The following ERP44 variants were observed in gnomAD, a reference collection of about 807,000 sequenced individuals.
The protein encoded by ERP44 is endoplasmic reticulum resident protein 44.
Under a neutral mutation model 53.4 loss-of-function variants are expected in ERP44, and 25 were observed. The ratio of observed to expected loss-of-function variants is 0.47; its 90% CI spans 0.34 to 0.65. ERP44 has a LOEUF of 0.65. Ranked by LOEUF, ERP44 falls within the 30% of genes least tolerant of loss-of-function variation. ERP44 has a pLI of 0.01. For missense variants in ERP44, 338 were observed against 493.2 expected, an observed-to-expected ratio of 0.69 and a Z score of 2.98; for synonymous variants, 145 against 161.2, an observed-to-expected ratio of 0.90 and a Z score of 0.76.
In ERP44 at chr9:100,098,780, T is replaced by G; in HGVS notation, c.57+4A>C. On this transcript the variant is annotated splice_donor_region_variant and intron_variant, in intron 1 of 11. Transcript: ENST00000262455. ...GTCGATGGGTCTGTCATTCCCTCAC[T>G]CACCAGGAGCAGAAGGGAGCATCTG... The G allele has an allele frequency of 6.2e-7, 1 of 1,613,136 alleles. No homozygotes were observed.
Position 99,979,222 on chromosome 9 carries a change from A to G in ERP44, c.*3390T>C, listed in dbSNP as rs1336026768. ...CATGTCATTTTATTTTGGTCCAGCCATATCTCCTTGTAGGAGAAAAAAAAC... is the reference window on the plus strand; with the variant it reads ...CATGTCATTTTATTTTGGTCCAGCCGTATCTCCTTGTAGGAGAAAAAAAAC... On this transcript the variant is annotated 3_prime_UTR_variant, in exon 12 of 12. Coordinates refer to ENST00000262455, the MANE Select transcript of ERP44 (RefSeq NM_015051.3). 7.2e-6 allele frequency: 1 copy of G among 139,642 alleles called. No individual in the cohort carries two copies. Among genetic ancestry groups the G allele is most frequent in the African/African-American group, 2.5e-5 (1 of 39,934 alleles). The allele number at this position is 139,642 out of a possible 1,614,324, so 8.7% of individuals were successfully genotyped here.
rs976608866 is a variant in ERP44 at position 100,020,870 on chromosome 9, T to C, written c.472-139A>G. ...TATGACTATAAATGCATATTTAGTT[T>C]TTAACACCTAGTCCAAAACTGTTAA... On this transcript the variant is annotated intron_variant, in intron 5 of 11. Coordinates refer to ENST00000262455, the MANE Select transcript of ERP44 (RefSeq NM_015051.3). 3 of 543,424 alleles carry C rather than the reference T, an allele frequency of 5.5e-6. No individual in the cohort carries two copies. In the African/African-American group the frequency reaches 5.7e-5, roughly 10 times the overall value. 33.7% of individuals were successfully genotyped at this position (543,424 alleles called of 1,614,324 possible).
intron 6 of ERP44, among the ~76,000 whole-genome samples, chr9:100,019,529 T>G (rs1830563193): frequency 6.6e-6 from 1 of 152,134 alleles, no homozygotes; most frequent in Non-Finnish European, 1.5e-5. Context: ...GCTACTACAG[T>G]TAAGCCTAAT....
At chr9:100,064,835 AT>A (rs1247526615) in intron 1 of ERP44, among the ~76,000 whole-genome samples, 1 of 152,242 alleles carries the variant, frequency 6.6e-6, no homozygotes, top group African/African-American at 2.4e-5. Context: ...AAAGAAAAAA[AT>A]ATTTTAATAA....
intron 10 of ERP44, among the ~76,000 whole-genome samples, chr9:100,003,631 C>T (rs1313544377): frequency 6.6e-6 from 1 of 150,920 alleles, no homozygotes; most frequent in Non-Finnish European, 1.5e-5. Flanking sequence ...CAGGAGTGGA[C>T]CTGTTGTCTG....
chr9:100,091,653 A>C (rs1446600750), intron 1 of ERP44, among the ~76,000 whole-genome samples: 2 of 152,250 alleles, frequency 1.3e-5, no homozygotes, highest in African/African-American at 4.8e-5. Flanking sequence ...AAGTTGATCC[A>C]TTTAACTATT....
At chr9:100,047,366 AACAGACAT>A (rs1408355223) in intron 4 of ERP44, among the ~76,000 whole-genome samples, 1 of 152,200 alleles carries the variant, frequency 6.6e-6, no homozygotes, top group Non-Finnish European at 1.5e-5. Context: ...ACTGGCATAA[AACAGACAT>A]ACAGACCATG....
chr9:100,009,549 G>A lies in ERP44; in HGVS notation c.763-1860C>T, dbSNP rs188512357. ...TTTCTTCCTCATCTTTTATCTCTTG[G>A]ACTCACATTTTTTCTTCCCCCATCC... is the stretch of plus-strand genomic sequence containing the variant. On this transcript the variant is annotated intron_variant, in intron 8 of 11. Coordinates refer to ENST00000262455, the MANE Select transcript of ERP44 (RefSeq NM_015051.3). 7.3e-5 allele frequency among the ~76,000 whole-genome samples: 11 copies of A among 151,710 alleles called. No individual in the cohort carries two copies. The East Asian group carries it at 2.1e-3, about 29-fold the overall frequency.
intron 10 of ERP44, among the ~76,000 whole-genome samples, chr9:99,988,552 G>C (rs1244084713): frequency 6.6e-6 from 1 of 152,086 alleles, no homozygotes; most frequent in Non-Finnish European, 1.5e-5. Context: ...ATCTATTACT[G>C]GGATTACCCT....
intron 1 of ERP44, among the ~76,000 whole-genome samples, chr9:100,068,193 CGGGA>C (rs1304957338): frequency 2.7e-5 from 4 of 149,180 alleles, no homozygotes; most frequent in African/African-American, 9.9e-5. Flanking sequence ...CAGCCCCGTC[CGGGA>C]GGGAGGTAGG....
intron 4 of ERP44, among the ~76,000 whole-genome samples, chr9:100,032,491 A>G (rs1825802624): frequency 6.6e-6 from 1 of 152,252 alleles, no homozygotes; most frequent in South Asian, 2.1e-4. Context: ...AAAATCATAC[A>G]AGAAGCATTG....
At chr9:100,081,825 T>G (rs1212721000) in intron 1 of ERP44, among the ~76,000 whole-genome samples, 1 of 152,054 alleles carries the variant, frequency 6.6e-6, no homozygotes, top group Non-Finnish European at 1.5e-5. Flanking sequence ...GACAAAGCAA[T>G]TAGGAAAAAC....
intron 1 of ERP44, among the ~76,000 whole-genome samples, chr9:100,060,554 G>A (rs1826135038): frequency 1.3e-5 from 2 of 152,194 alleles, no homozygotes; most frequent in African/African-American, 4.8e-5. Context: ...TAAGTCTGCT[G>A]ATTCTATCCT....
At chr9:99,992,332 T>G (rs2118608547) in intron 10 of ERP44, among the ~76,000 whole-genome samples, 1 of 152,182 alleles carries the variant, frequency 6.6e-6, no homozygotes, top group East Asian at 1.9e-4. Flanking sequence ...TCAAGTGGGC[T>G]TCATCCCTGG....
At chr9:100,007,725 T>G in intron 8 of ERP44, 36 bp from the exon 9 acceptor site, 1 of 1,099,842 alleles carries the variant, frequency 9.1e-7, no homozygotes. Context: ...ATTATCAGGC[T>G]TCTCCATTCA....
intron 1 of ERP44, among the ~76,000 whole-genome samples, chr9:100,090,703 C>T (rs1256532698): frequency 2.0e-5 from 3 of 151,502 alleles, no homozygotes; most frequent in Non-Finnish European, 2.9e-5. Context: ...GAGCCGAGAT[C>T]ACGCCATTGC....
At chr9:99,998,611 T>C (rs1324436461) in intron 10 of ERP44, 1 of 756,676 alleles carries the variant, frequency 1.3e-6, no homozygotes, top group Non-Finnish European at 2.5e-6. Context: ...GCTGTCTTTG[T>C]GCTTCAGATT....
chr9:99,997,500 G>C (rs1281832510), intron 10 of ERP44, among the ~76,000 whole-genome samples: 2 of 152,066 alleles, frequency 1.3e-5, no homozygotes, highest in African/African-American at 4.8e-5. Context: ...AAAAACTGTA[G>C]AATGCACAGT....
At chr9:99,984,373 G>A (rs1320300931) in intron 11 of ERP44, among the ~76,000 whole-genome samples, 2 of 151,630 alleles carry the variant, frequency 1.3e-5, no homozygotes, top group Non-Finnish European at 2.9e-5. Context: ...GAAATTACTT[G>A]TAACAGAAGT....
Sources: allele counts gnomAD v4.1 joint callset (sites outside exome capture counted in the v4.1 genomes callset), GRCh38; gene constraint gnomAD v4.1.1; transcripts MANE v1.5; gene names NCBI Gene and HGNC (gene_info 2026-07-23, HGNC 2026-07-21).